Variants in CD207 observed in about 807,000 individuals in gnomAD.
CD207 encodes the protein C-type lectin domain family 4 member K.
A neutral mutation model predicts 31.6 loss-of-function variants in CD207; 28 were observed. The observed-to-expected ratio is 0.89, with a 90% CI of 0.66 to 1.21. The LOEUF is 1.21. Among genes scored for constraint, CD207 ranks in the 50% most tolerant of loss-of-function variants. The probability of loss-of-function intolerance (pLI) is 0.00; values close to 1 mark genes in which losing one functional copy is unlikely to be tolerated. For missense variants in CD207, 388 were observed against 397.8 expected, an observed-to-expected ratio of 0.98 and a Z score of 0.21; for synonymous variants, 168 against 153.9, an observed-to-expected ratio of 1.09 and a Z score of -0.68.
At chr2:70,831,642 T>C (rs1677476093) in intron 5 of CD207, 59 bp downstream of exon 5, 1 of 1,030,252 alleles carries the variant, frequency 9.7e-7, no homozygotes, top group Non-Finnish European at 1.5e-6. Flanking sequence ...CCCACTCCCT[T>C]CATGCCCTGG....
At chr2:70,825,068 G>T in the CD207 span, among the ~76,000 whole-genome samples, 1 of 152,144 alleles carries the variant, frequency 6.6e-6, no homozygotes, top group Non-Finnish European at 1.5e-5. Flanking sequence ...TCTATTGATG[G>T]TATGTACCCT....
chr2:70,825,868 G>T (rs145284077), downstream of CD207, among the ~76,000 whole-genome samples: 1 of 152,140 alleles, frequency 6.6e-6, no homozygotes. Flanking sequence ...AGGGATGGCT[G>T]GGTATGGCAA....
intron 3 of CD207, 149 bp downstream of exon 3, chr2:70,833,497 C>T (rs1430178492): frequency 3.3e-6 from 3 of 899,380 alleles, no homozygotes; most frequent in Non-Finnish European, 4.9e-6. Context: ...CAACCTCAAG[C>T]CCTCTCTCCT....
chr2:70,828,509 G>T (rs545142838), downstream of CD207, among the ~76,000 whole-genome samples: 3 of 152,314 alleles, frequency 2.0e-5, no homozygotes, highest in South Asian at 2.1e-4. Context: ...GCCTCGTAAG[G>T]TCCCCATGCA....
At chr2:70,833,182 G>T in intron 3 of CD207, 131 bp from the exon 4 acceptor site, 1 of 768,996 alleles carries the variant, frequency 1.3e-6, no homozygotes, top group Non-Finnish European at 2.2e-6. Flanking sequence ...TTGGGTCCTT[G>T]TATAGGAGAT....
Position 70,831,821 on chromosome 2 carries a change from T to A in CD207, c.718-2A>T. The A allele has an allele frequency of 6.3e-7, 1 of 1,579,306 alleles. No homozygotes were observed. Among genetic ancestry groups the A allele is most frequent in the Non-Finnish European group, 8.7e-7 (1 of 1,148,694 alleles). ...CCCCGCTGTTTTATACAGAAACTCC[T>A]GTAGGAAAGACAGGATAAGCAGAGG... is the stretch of plus-strand genomic sequence containing the variant. On this transcript the variant is annotated splice_acceptor_variant, in intron 4 of 5. Coordinates refer to ENST00000410009, the MANE Select transcript of CD207 (RefSeq NM_015717.5). LOFTEE classifies it high-confidence loss of function.
chr2:70,824,627 A>AAAAAAAAAAC, the CD207 span, among the ~76,000 whole-genome samples: 2 of 148,342 alleles, frequency 1.3e-5, no homozygotes, highest in Non-Finnish European at 3.0e-5. Context: ...GTTACCAAAA[A>AAAAAAAAAAC]AAAAAAAAAA....
downstream of CD207, among the ~76,000 whole-genome samples, chr2:70,826,254 C>T (rs1188119659): frequency 2.6e-5 from 4 of 152,262 alleles, no homozygotes; most frequent in East Asian, 7.7e-4. Context: ...CCAATAACGG[C>T]AGCACTAAAT....
At chr2:70,828,296 G>A (rs1183632150), downstream of CD207, among the ~76,000 whole-genome samples, 1 of 152,204 alleles carries the variant, frequency 6.6e-6, no homozygotes, top group African/African-American at 2.4e-5. Context: ...GGAGAAGCAA[G>A]GCATGCATAC....
At chr2:70,825,997 AAT>A (rs147211116), downstream of CD207, among the ~76,000 whole-genome samples, 91,247 of 151,244 alleles carry the variant, frequency 0.6, 27,987 homozygotes, top group Middle Eastern at 0.7. Flanking sequence ...ATTAAAAAAA[AAT>A]TAGCTGGGCA....
chr2:70,833,192 T>C (rs1677521561), intron 3 of CD207, 141 bp from the exon 4 acceptor site: 1 of 700,870 alleles, frequency 1.4e-6, no homozygotes, highest in Admixed American at 2.6e-5. Context: ...GTATAGGAGA[T>C]TAGGGACACT....
At chr2:70,833,139 G>T in intron 3 of CD207, 88 bp from the exon 4 acceptor site, 1 of 1,290,696 alleles carries the variant, frequency 7.7e-7, no homozygotes, top group South Asian at 1.3e-5. Flanking sequence ...AGGTCTCAGA[G>T]ACAGCAGCAA....
chr2:70,832,784 T>A, intron 4 of CD207, 116 bp downstream of exon 4: 1 of 1,052,580 alleles, frequency 9.5e-7, no homozygotes, highest in Non-Finnish European at 1.3e-6. Flanking sequence ...AACCAATCCT[T>A]CTTCATTAGG....
chr2:70,835,537 G>A lies in CD207; in HGVS notation c.144C>T (p.Cys48=). The change falls in exon 2 of 6, where the codon TGC becomes TGT. Residue 48 remains cysteine, a synonymous_variant. Transcript: ENST00000410009. ...KTPTVRAALI[C]LTLVLVASVL... ...CGGAGGCGACCAGGACCAGCGTCAGGCAGATTAATGCAGCACGGACTGTGG... is the reference window on the plus strand; with the variant it reads ...CGGAGGCGACCAGGACCAGCGTCAGACAGATTAATGCAGCACGGACTGTGG... 1.9e-6 allele frequency: 3 copies of A among 1,613,958 alleles called. No individual in the cohort carries two copies. The highest frequency in any genetic ancestry group is 2.5e-6 in the Non-Finnish European group (3 of 1,179,864).
rs2104706732 is a variant in CD207 at position 70,835,809 on chromosome 2, G to A, written c.-33C>T. 6.4e-7 allele frequency: 1 copy of A among 1,563,722 alleles called. No homozygotes were observed. The highest frequency in any genetic ancestry group is 2.3e-5 in the East Asian group (1 of 43,836). ...GCTCACCCTTATCCTGGGAGCACAGGTGCTTCTGGCTGCCTGTCTCTCCAA... is the reference window on the plus strand; with the variant it reads ...GCTCACCCTTATCCTGGGAGCACAGATGCTTCTGGCTGCCTGTCTCTCCAA... On this transcript the variant is annotated 5_prime_UTR_variant, in exon 1 of 6. Transcript: ENST00000410009.
In CD207 at chr2:70,830,903, G is replaced by T; in HGVS notation, c.*147C>A. ...CGTCAGAGAATTTCCAGCCAAGACA[G>T]ACGGACTCCAGAATGCCACTGTGGG... is the stretch of plus-strand genomic sequence containing the variant. On this transcript the variant is annotated 3_prime_UTR_variant, in exon 6 of 6. Transcript: ENST00000410009. 1.5e-6 allele frequency: 1 copy of T among 681,662 alleles called. No individual in the cohort carries two copies. Among genetic ancestry groups the T allele is most frequent in the Non-Finnish European group, 2.4e-6 (1 of 418,194 alleles). 42.2% of individuals were successfully genotyped at this position (681,662 alleles called of 1,614,324 possible). A position where few individuals can be genotyped will look rare whatever the true frequency, so the allele number is the denominator to read the frequency against.
At position 70,833,544 on chromosome 2, in the gene CD207, C is replaced by T. The variant is rs965706425; in HGVS notation, c.565+102G>A. ...CCCATGGCTGCCCCTCTTTTGCCCC[C>T]ACTCTCCTCCCCAACCCACCAGCCC... On this transcript the variant is annotated intron_variant, in intron 3 of 5. Coordinates refer to ENST00000410009, the MANE Select transcript of CD207 (RefSeq NM_015717.5). The T allele has an allele frequency of 7.4e-6, 10 of 1,345,412 alleles. No individual in the cohort carries two copies. The South Asian group carries it at 1.1e-4, about 15-fold the overall frequency. The allele number at this position is 1,345,412 out of a possible 1,614,324, so 83.3% of individuals were successfully genotyped here.
intron 3 of CD207, 114 bp downstream of exon 3, chr2:70,833,532 C>T (rs564887250): frequency 8.0e-7 from 1 of 1,245,994 alleles, no homozygotes; most frequent in African/African-American, 1.5e-5. Flanking sequence ...ATGGCTGCCC[C>T]TCTTTTGCCC....
intron 5 of CD207, 91 bp from the exon 6 acceptor site, chr2:70,831,291 C>G (rs782101938): frequency 3.0e-6 from 4 of 1,324,420 alleles, no homozygotes; most frequent in Non-Finnish European, 4.2e-6. Context: ...TCAACCCAAG[C>G]TTTTGTCCTA....
Sources: allele counts gnomAD v4.1 joint callset (sites outside exome capture counted in the v4.1 genomes callset), GRCh38; gene constraint gnomAD v4.1.1; transcripts MANE v1.5; gene names NCBI Gene and HGNC (gene_info 2026-07-23, HGNC 2026-07-21).